The following CNTNAP2 variants were observed in gnomAD, a reference collection of about 807,000 sequenced individuals.
The protein encoded by CNTNAP2 is contactin-associated protein-like 2.
CNTNAP2 carries 98 observed loss-of-function variants against 155.2 expected under a neutral mutation model. The observed-to-expected ratio is 0.63, with a 90% CI of 0.54 to 0.75. CNTNAP2 has a LOEUF of 0.75. Among genes scored for constraint, CNTNAP2 ranks in the 30% least tolerant of loss-of-function variants. The pLI, the probability that CNTNAP2 is intolerant of heterozygous loss-of-function variation, is 0.00. For synonymous variants in CNTNAP2, 651 were observed against 631.2 expected (o/e 1.03, Z -0.47); for missense variants, 1,727 against 1,688.1 (o/e 1.02, Z -0.40).
intron 13 of CNTNAP2, among the ~76,000 whole-genome samples, chr7:147,749,197 G>A (rs923903693): frequency 4.6e-5 from 7 of 152,108 alleles, no homozygotes; most frequent in Admixed American, 6.6e-5. Flanking sequence ...ATACAAATAT[G>A]TGTTTATGAA....
intron 1 of CNTNAP2, among the ~76,000 whole-genome samples, chr7:146,536,501 GAC>G (rs1327300421): frequency 6.6e-6 from 1 of 151,876 alleles, no homozygotes; most frequent in African/African-American, 2.4e-5. Context: ...GGCAATAAGA[GAC>G]ACAGAGAAGC....
chr7:148,131,087 C>CTTTTTTTTTT (rs755587892), intron 16 of CNTNAP2, among the ~76,000 whole-genome samples: 9 of 97,180 alleles, frequency 9.3e-5, no homozygotes, highest in East Asian at 3.0e-4. Flanking sequence ...TTTTCTTCTT[C>CTTTTTTTTTT]TTTTTTTTTT....
At chr7:147,028,959 C>CTTTTTTTTT (rs397889433) in intron 3 of CNTNAP2, among the ~76,000 whole-genome samples, 1 of 103,744 alleles carries the variant, frequency 9.6e-6, no homozygotes, top group African/African-American at 4.2e-5. Context: ...AAGATATGTT[C>CTTTTTTTTT]TTTTTTTTTT....
intron 13 of CNTNAP2, among the ~76,000 whole-genome samples, chr7:147,684,944 G>A (rs1795995813): frequency 6.6e-6 from 1 of 151,924 alleles, no homozygotes; most frequent in South Asian, 2.1e-4. Context: ...GTGACTCACT[G>A]AGAATTCTGG....
chr7:147,916,550 T>C (rs1311984115), intron 14 of CNTNAP2, among the ~76,000 whole-genome samples: 1 of 151,096 alleles, frequency 6.6e-6, no homozygotes, highest in Admixed American at 6.6e-5. Context: ...TTTAGTCATT[T>C]TGAGAAAAGC....
At chr7:146,194,010 C>A (rs538967019) in intron 1 of CNTNAP2, among the ~76,000 whole-genome samples, 1 of 152,212 alleles carries the variant, frequency 6.6e-6, no homozygotes, top group Non-Finnish European at 1.5e-5. Context: ...AGTTCCTCAT[C>A]TCCATCTGAG....
chr7:148,158,084 T>C (rs1363519680), intron 17 of CNTNAP2, among the ~76,000 whole-genome samples: 1 of 152,138 alleles, frequency 6.6e-6, no homozygotes, highest in Non-Finnish European at 1.5e-5. Context: ...GGATAGCCCC[T>C]TCCCACTTAC....
chr7:147,390,868 G>A (rs769864004), intron 9 of CNTNAP2, among the ~76,000 whole-genome samples: 20 of 151,838 alleles, frequency 1.3e-4, no homozygotes, highest in Admixed American at 4.6e-4. Context: ...ATTGATTGCC[G>A]GTGTTCACCC....
chr7:146,873,376 T>G (rs1311686912), intron 3 of CNTNAP2, among the ~76,000 whole-genome samples: 3 of 152,218 alleles, frequency 2.0e-5, no homozygotes, highest in African/African-American at 4.8e-5. Context: ...CTCAAATCAT[T>G]TATTTTCACA....
intron 11 of CNTNAP2, among the ~76,000 whole-genome samples, chr7:147,523,275 G>A (rs1052374618): frequency 4.6e-5 from 7 of 152,144 alleles, no homozygotes; most frequent in Admixed American, 1.3e-4. Context: ...ATGGCATCCC[G>A]GTTCACCAAG....
intron 13 of CNTNAP2, among the ~76,000 whole-genome samples, chr7:147,895,919 C>T (rs765449663): frequency 5.9e-5 from 9 of 152,330 alleles, no homozygotes; most frequent in Non-Finnish European, 1.0e-4. Context: ...CTCTGGAATA[C>T]GTTTTTCTTA....
At chr7:148,218,687 G>A (rs549221309) in intron 19 of CNTNAP2, among the ~76,000 whole-genome samples, 47 of 152,096 alleles carry the variant, frequency 3.1e-4, no homozygotes, top group South Asian at 1.0e-3. Flanking sequence ...ACCATGCCCG[G>A]CCCAGGGGTG....
intron 1 of CNTNAP2, among the ~76,000 whole-genome samples, chr7:146,694,179 G>T (rs933430759): frequency 1.3e-5 from 2 of 152,166 alleles, no homozygotes; most frequent in Non-Finnish European, 1.5e-5. Flanking sequence ...TTAAAACTCA[G>T]CATCTAGAGA....
At chr7:147,549,560 A>G (rs569472236) in intron 11 of CNTNAP2, among the ~76,000 whole-genome samples, 17 of 152,244 alleles carry the variant, frequency 1.1e-4, no homozygotes, top group Admixed American at 9.2e-4. Context: ...AGACAACTGG[A>G]CTTCTAACCT....
intron 13 of CNTNAP2, among the ~76,000 whole-genome samples, chr7:147,791,865 CG>C (rs1390512147): frequency 7.2e-5 from 11 of 152,160 alleles, no homozygotes; most frequent in Non-Finnish European, 1.3e-4. Flanking sequence ...CAGGCTTCAG[CG>C]AAAGGACACG....
intron 6 of CNTNAP2, among the ~76,000 whole-genome samples, chr7:147,128,091 C>T (rs943510299): frequency 6.6e-6 from 1 of 152,186 alleles, no homozygotes; most frequent in African/African-American, 2.4e-5. Context: ...TATCTTTAAG[C>T]CTACACAGCT....
At chr7:147,794,192 A>G (rs1797858888) in intron 13 of CNTNAP2, among the ~76,000 whole-genome samples, 1 of 151,922 alleles carries the variant, frequency 6.6e-6, no homozygotes, top group Non-Finnish European at 1.5e-5. Context: ...ATAAAATTTT[A>G]AATTGAAGTG....
chr7:146,312,258 T>C (rs1197627361), intron 1 of CNTNAP2, among the ~76,000 whole-genome samples: 1 of 152,180 alleles, frequency 6.6e-6, no homozygotes, highest in Non-Finnish European at 1.5e-5. Flanking sequence ...AGATTTTGAA[T>C]GTTAGGAACC....
At chr7:147,538,054 CCTTCTG>C (rs1799578788) in intron 11 of CNTNAP2, among the ~76,000 whole-genome samples, 1 of 152,148 alleles carries the variant, frequency 6.6e-6, no homozygotes, top group Non-Finnish European at 1.5e-5. Flanking sequence ...TTGATTCTAA[CCTTCTG>C]AACAAATGTT....
Sources: allele counts gnomAD v4.1 joint callset (sites outside exome capture counted in the v4.1 genomes callset), GRCh38; gene constraint gnomAD v4.1.1; transcripts MANE v1.5; gene names NCBI Gene and HGNC (gene_info 2026-07-23, HGNC 2026-07-21).